GALNTL5: variants seen among roughly 807,000 people sequenced by gnomAD.
GALNTL5 encodes the protein polypeptide N-acetylgalactosaminyltransferase like 5.
A neutral mutation model predicts 51.0 loss-of-function variants in GALNTL5; 44 were observed. The ratio of observed to expected loss-of-function variants is 0.86; its 90% CI spans 0.68 to 1.11. The LOEUF is 1.11. Ranked by LOEUF, GALNTL5 falls within the 50% of genes least tolerant of loss-of-function variation. GALNTL5 has a pLI of 0.00. For synonymous variants in GALNTL5, 192 were observed against 182.8 expected, an observed-to-expected ratio of 1.05 and a Z score of -0.41; for missense variants, 528 against 531.8, an observed-to-expected ratio of 0.99 and a Z score of 0.07.
At chr7:151,985,354 T>A (rs1251134722) in intron 4 of GALNTL5, among the ~76,000 whole-genome samples, 5 of 152,160 alleles carry the variant, frequency 3.3e-5, no homozygotes, top group African/African-American at 4.8e-5. Flanking sequence ...CTGCTTCTCC[T>A]CCTCTATCTG....
At chr7:152,018,248 T>A (rs890189510) in intron 8 of GALNTL5, among the ~76,000 whole-genome samples, 4 of 152,240 alleles carry the variant, frequency 2.6e-5, no homozygotes, top group African/African-American at 9.6e-5. Flanking sequence ...TAGTGCATTT[T>A]AAATCCTGAT....
intron 6 of GALNTL5, among the ~76,000 whole-genome samples, chr7:152,007,413 CT>C (rs34271081): frequency 0.022 from 2,375 of 109,866 alleles, 55 homozygotes; most frequent in African/African-American, 0.073. Flanking sequence ...AATGTTTTCT[CT>C]TTTTTTTTTT....
In GALNTL5 at chr7:151,976,037, G is replaced by A. The variant is rs75419230; in HGVS notation, c.368+4972G>A. ...CATGTGCCTCAGAGAAGAAATATAT[G>A]CTCTTCAGCTGTTGGATAAAATGCT... On this transcript the variant is annotated intron_variant, in intron 3 of 8. Coordinates refer to ENST00000392800, the MANE Select transcript of GALNTL5 (RefSeq NM_145292.4). 2.6e-4 allele frequency among the ~76,000 whole-genome samples: 40 copies of A among 152,250 alleles called. 1 individual carries two copies. In the East Asian group the frequency reaches 7.7e-3, roughly 29 times the overall value.
rs570100627 is a variant in GALNTL5, at chr7:151,980,846, C to T, written c.369-2140C>T. Among the ~76,000 whole-genome samples, 67 of 138,428 alleles carry T rather than the reference C, an allele frequency of 4.8e-4. 1 individual carries two copies. Among genetic ancestry groups the T allele is most frequent in the African/African-American group, 1.8e-3 (64 of 35,086 alleles). 90.8% of individuals were successfully genotyped at this position (138,428 alleles called of 152,430 possible). On this transcript the variant is annotated intron_variant, in intron 3 of 8. Coordinates refer to ENST00000392800, the MANE Select transcript of GALNTL5 (RefSeq NM_145292.4). The stretch of plus-strand genomic sequence containing the variant: ...CTGCAAGCTCCGCCTCCTGGGTTCA[C>T]GCCATTCTCCTGCCTCAGCCTCCCA...
chr7:152,018,675 G>A (rs1356858508), intron 8 of GALNTL5, among the ~76,000 whole-genome samples: 1 of 152,110 alleles, frequency 6.6e-6, no homozygotes, highest in Non-Finnish European at 1.5e-5. Context: ...ATGTGCCTAA[G>A]GTCATCCATG....
intron 8 of GALNTL5, among the ~76,000 whole-genome samples, chr7:152,018,971 T>C (rs2081854308): frequency 1.3e-5 from 2 of 152,208 alleles, no homozygotes; most frequent in East Asian, 3.8e-4. Context: ...TTAGAATACC[T>C]TTTTTCAACA....
chr7:152,019,623 A>C, intron 8 of GALNTL5, 23 bp from the exon 9 acceptor site: 1 of 1,601,400 alleles, frequency 6.2e-7, no homozygotes, highest in African/African-American at 1.3e-5. Flanking sequence ...GAACGTAACG[A>C]CTGACTCTAT....
In GALNTL5 at chr7:152,014,870, C is replaced by T. The variant is rs953763635; in HGVS notation, c.1176+77C>T. On this transcript the variant is annotated intron_variant, in intron 8 of 8. Coordinates refer to ENST00000392800, the MANE Select transcript of GALNTL5 (RefSeq NM_145292.4). ...TTGTTCTGAGGAAGCCTGCTGCTGC[C>T]TTTCCAGATCCAGCGTTTGTTCTGG... 2.8e-5 allele frequency: 38 copies of T among 1,357,988 alleles called. No homozygotes were observed. The African/African-American group carries it at 3.5e-4, about 13-fold the overall frequency. The allele number at this position is 1,357,988 out of a possible 1,614,324, so 84.1% of individuals were successfully genotyped here. A position where few individuals can be genotyped will look rare whatever the true frequency, so the allele number is the denominator to read the frequency against.
intron 5 of GALNTL5, among the ~76,000 whole-genome samples, chr7:151,998,703 T>G (rs1423942561): frequency 2.0e-5 from 3 of 146,980 alleles, no homozygotes; most frequent in African/African-American, 7.7e-5. Context: ...AGCCAGGAGG[T>G]GAATGTTGCA....
Position 151,970,801 on chromosome 7 carries a change from T to G in GALNTL5, c.248-144T>G, listed in dbSNP as rs1031676866. On this transcript the variant is annotated intron_variant, in intron 2 of 8. Transcript: ENST00000392800. ...TAAAACACCCACCTTTGCCAAGAAT[T>G]ATTTGACCATTTTTGCACAGATCGA... The G allele has an allele frequency of 6.9e-6, 4 of 582,840 alleles. No homozygotes were observed. The African/African-American group carries it at 7.7e-5, about 11-fold the overall frequency. The allele number at this position is 582,840 out of a possible 1,614,324, so 36.1% of individuals were successfully genotyped here. A position where few individuals can be genotyped will look rare whatever the true frequency, so the allele number is the denominator to read the frequency against.
chr7:151,969,927 C>T (rs765102428), intron 2 of GALNTL5, among the ~76,000 whole-genome samples: 85 of 152,236 alleles, frequency 5.6e-4, no homozygotes, highest in South Asian at 1.7e-3. Flanking sequence ...CTGCCTCAGC[C>T]TCCCGAGTAG....
At chr7:151,959,559 T>A (rs139122810) in intron 1 of GALNTL5, among the ~76,000 whole-genome samples, 1 of 152,218 alleles carries the variant, frequency 6.6e-6, no homozygotes, top group Non-Finnish European at 1.5e-5. Flanking sequence ...GGGATATTCC[T>A]GTTGTAATAA....
chr7:151,992,041 G>A lies in GALNTL5; in HGVS notation c.658+4760G>A, dbSNP rs115826173. Among the ~76,000 whole-genome samples the A allele has an allele frequency of 8.7e-3, 1,317 of 152,056 alleles. 19 individuals are homozygous for A. The highest frequency in any genetic ancestry group is 0.03 in the African/African-American group (1,249 of 41,464). ...TTGTTGTTTTAAAAATTGTGATTTG[G>A]GACCTTCTTGTTATATTTTTAAATT... is the stretch of plus-strand genomic sequence containing the variant. On this transcript the variant is annotated intron_variant, in intron 5 of 8. Coordinates refer to ENST00000392800, the MANE Select transcript of GALNTL5 (RefSeq NM_145292.4).
At chr7:152,016,507 G>C (rs1278641528) in intron 8 of GALNTL5, among the ~76,000 whole-genome samples, 5 of 152,014 alleles carry the variant, frequency 3.3e-5, no homozygotes, top group Non-Finnish European at 5.9e-5. Context: ...AATTACATCT[G>C]AAAATGGCGT....
chr7:152,018,918 G>C (rs552420187), intron 8 of GALNTL5, among the ~76,000 whole-genome samples: 1 of 152,294 alleles, frequency 6.6e-6, no homozygotes, highest in South Asian at 2.1e-4. Flanking sequence ...GGAAAACACA[G>C]ATGAAAAGAT....
chr7:151,967,500 A>G lies in GALNTL5; in HGVS notation c.247+7A>G, dbSNP rs1302204170. The G allele has an allele frequency of 1.9e-6, 3 of 1,607,102 alleles. No individual in the cohort carries two copies. Among genetic ancestry groups the G allele is most frequent in the Non-Finnish European group, 2.6e-6 (3 of 1,175,700 alleles). ...AAAGCAAAGTCTATGTTAGGTAAGT[A>G]TTTGGATTTTTTTCCGTTAGCCATT... On this transcript the variant is annotated splice_region_variant and intron_variant, in intron 2 of 8. Transcript: ENST00000392800.
intron 4 of GALNTL5, among the ~76,000 whole-genome samples, chr7:151,983,503 G>A (rs909004740): frequency 5.3e-5 from 8 of 152,096 alleles, no homozygotes; most frequent in Admixed American, 1.3e-4. Flanking sequence ...AAGGTAGTGC[G>A]CTCCCCGATG....
At chr7:151,969,791 A>C (rs1444490158) in intron 2 of GALNTL5, among the ~76,000 whole-genome samples, 2 of 152,092 alleles carry the variant, frequency 1.3e-5, no homozygotes, top group Non-Finnish European at 2.9e-5. Flanking sequence ...AAGCTAAACA[A>C]AACTAAATTT....
chr7:152,006,208 A>G (rs1329742819), intron 6 of GALNTL5, among the ~76,000 whole-genome samples: 1 of 152,214 alleles, frequency 6.6e-6, no homozygotes, highest in Admixed American at 6.5e-5. Context: ...TCAGCGAGAG[A>G]AGGACTGGAA....
Sources: allele counts gnomAD v4.1 joint callset (sites outside exome capture counted in the v4.1 genomes callset), GRCh38; gene constraint gnomAD v4.1.1; transcripts MANE v1.5; gene names NCBI Gene and HGNC (gene_info 2026-07-23, HGNC 2026-07-21).